HSPA8: variants seen among roughly 807,000 people sequenced by gnomAD.
The protein encoded by HSPA8 is heat shock protein family A (Hsp70) member 8, also known as heat shock cognate 71 kDa protein.
A neutral mutation model predicts 52.8 loss-of-function variants in HSPA8; 2 were observed. That is an observed-to-expected ratio of 0.04 (90% confidence interval 0.02 to 0.12). The LOEUF (loss-of-function observed/expected upper bound fraction) is 0.12, where lower values mean the gene tolerates loss of function less well. Among genes scored for constraint, HSPA8 ranks in the 10% least tolerant of loss-of-function variants. The probability of loss-of-function intolerance (pLI) is 1.00; values close to 1 mark genes in which losing one functional copy is unlikely to be tolerated. For synonymous variants in HSPA8, 436 were observed against 274.0 expected, an observed-to-expected ratio of 1.59 and a Z score of -5.84; for missense variants, 349 against 800.5, an observed-to-expected ratio of 0.44 and a Z score of 6.81.
rs528685013 is a variant in HSPA8 at position 123,058,613 on chromosome 11, G to A, written c.1522+19C>T. On this transcript the variant is annotated intron_variant, in intron 7 of 8. Transcript: ENST00000534624. ...AATACCATTATCCCTGTCAAGACCA[G>A]ATGACAGTGCCTCCTTACCCTTGTC... The A allele has an allele frequency of 3.1e-6, 5 of 1,601,272 alleles. No individual in the cohort carries two copies. In the South Asian group the frequency reaches 4.4e-5, roughly 14 times the overall value.
chr11:123,058,556 T>C (rs1865389275), intron 7 of HSPA8, 72 bp from the exon 8 acceptor site: 4 of 1,569,738 alleles, frequency 2.5e-6, no homozygotes, highest in Non-Finnish European at 1.8e-6. Flanking sequence ...TTCTCTTAGC[T>C]AGACGCCCTT....
At chr11:123,062,189 G>C (rs1456771683), upstream of HSPA8, 1 of 152,542 alleles carries the variant, frequency 6.6e-6, no homozygotes, top group Admixed American at 6.5e-5. Context: ...GAACCTTCCA[G>C]AAGGGGCCCG....
In HSPA8 at chr11:123,058,369, G is replaced by C; in HGVS notation, c.1638C>G (p.Ala546=). 6.2e-7 allele frequency: 1 copy of C among 1,612,852 alleles called. No individual in the cohort carries two copies. The highest frequency in any genetic ancestry group is 1.1e-5 in the South Asian group (1 of 91,046). Reference sequence around the variant, plus strand: ...CTTCAACAGTTGCTTTCATGTTGAAGGCATAGGACTCAAGTGAATTCTTGG... The same window carrying C: ...CTTCAACAGTTGCTTTCATGTTGAACGCATAGGACTCAAGTGAATTCTTGG... ...VSSKNSLESY[A]FNMKATVEDE... Residue 546 remains alanine, a synonymous_variant, in exon 8 of 9, where the codon GCC becomes GCG. Coordinates refer to ENST00000534624, the MANE Select transcript of HSPA8 (RefSeq NM_006597.6).
intron 6 of HSPA8, 95 bp from the exon 7 acceptor site, chr11:123,058,925 G>A (rs770171764): frequency 4.2e-5 from 59 of 1,394,940 alleles, no homozygotes; most frequent in Non-Finnish European, 5.7e-5. Context: ...AAACATCCAA[G>A]GAAGGAACTG....
In HSPA8 at chr11:123,059,235, C is replaced by G; in HGVS notation, c.1147G>C (p.Asp383His). ...AAATCTTGAACATTCTCAGACTTGT[C>G]TCCAGACAAGATGGCTGCCTGGACA... ...AAVQAAILSGDKSENVQDLLL... is the reference protein window; with the variant it reads ...AAVQAAILSGHKSENVQDLLL... The change falls in exon 6 of 9, where the codon GAC becomes CAC. Residue 383 changes from aspartate to histidine, a missense_variant. By Grantham distance (81) the Asp-to-His change is moderately conservative. Transcript: ENST00000534624. The G allele has an allele frequency of 6.2e-7, 1 of 1,612,870 alleles. No individual in the cohort carries two copies. Among genetic ancestry groups the G allele is most frequent in the East Asian group, 2.2e-5 (1 of 44,880 alleles).
At chr11:123,061,564 G>C (rs368572252) in intron 1 of HSPA8, 6 of 559,844 alleles carry the variant, frequency 1.1e-5, no homozygotes, top group African/African-American at 7.5e-5. Flanking sequence ...ACGGCGTGGG[G>C]CGTTGCTCAA....
At position 123,059,709 on chromosome 11, in the gene HSPA8, G is replaced by A. The variant is rs763133730; in HGVS notation, c.884C>T (p.Thr295Ile). 1.6e-5 allele frequency: 26 copies of A among 1,613,816 alleles called. No homozygotes were observed. The highest frequency in any genetic ancestry group is 6.7e-5 in the Admixed American group (4 of 59,974). The part of the protein sequence containing the change: ...DSLYEGIDFY[T>I]SITRARFEEL... ...TTCAAATCGGGCACGGGTAATGGAG[G>A]TATAGAAGTCGATTCCTTCATAGAG... is the stretch of plus-strand genomic sequence containing the variant. Residue 295 changes from threonine (T) to isoleucine (I), a missense_variant, in exon 5 of 9, where the codon ACC (threonine) becomes ATC (isoleucine). Physicochemically the swap from Thr to Ile is moderately conservative, Grantham distance 89. Coordinates refer to ENST00000534624, the MANE Select transcript of HSPA8 (RefSeq NM_006597.6).
In HSPA8 at chr11:123,057,712, G is replaced by A. The variant is rs1368544143; in HGVS notation, c.*22C>T. The A allele has an allele frequency of 4.4e-6, 7 of 1,578,534 alleles. No homozygotes were observed. Among genetic ancestry groups the A allele is most frequent in the South Asian group, 1.2e-5 (1 of 86,356 alleles). ...AAATGTTTTAAATGTGTGGAACAATGCTACATCTACACTTGGTTGGCTTAA... is the reference window on the plus strand; with the variant it reads ...AAATGTTTTAAATGTGTGGAACAATACTACATCTACACTTGGTTGGCTTAA... On this transcript the variant is annotated 3_prime_UTR_variant, in exon 9 of 9. Transcript: ENST00000534624.
chr11:123,058,871 G>A, intron 6 of HSPA8, 41 bp from the exon 7 acceptor site: 3 of 1,565,816 alleles, frequency 1.9e-6, no homozygotes, highest in South Asian at 1.1e-5. Flanking sequence ...TGGACTCCAG[G>A]TCTGTGACAG....
At chr11:123,060,395 T>G (rs1865457654) in intron 3 of HSPA8, 127 bp from the exon 4 acceptor site, 1 of 1,013,098 alleles carries the variant, frequency 9.9e-7, no homozygotes, top group East Asian at 2.5e-5. Context: ...TAAATTACTG[T>G]GTAATTGTCA....
intron 3 of HSPA8, 80 bp from the exon 4 acceptor site, chr11:123,060,348 G>T: frequency 7.4e-7 from 1 of 1,349,396 alleles, no homozygotes; most frequent in Non-Finnish European, 1.0e-6. Flanking sequence ...ATTAATGCTG[G>T]TGAAAGAACA....
chr11:123,062,300 C>T (rs1016914108), upstream of HSPA8: 1 of 152,634 alleles, frequency 6.6e-6, no homozygotes, highest in African/African-American at 2.4e-5. Flanking sequence ...GCCTCGCCCC[C>T]TTCCGCACCC....
rs977194545 is a variant in HSPA8 at position 123,061,580 on chromosome 11, G to T, written c.-5-251C>A. 3.4e-5 allele frequency: 18 copies of T among 536,632 alleles called. No homozygotes were observed. In the Admixed American group the frequency reaches 5.4e-4, roughly 16 times the overall value. 33.2% of individuals were successfully genotyped at this position (536,632 alleles called of 1,614,324 possible). A position where few individuals can be genotyped will look rare whatever the true frequency, so the allele number is the denominator to read the frequency against. On this transcript the variant is annotated intron_variant, in intron 1 of 8. Coordinates refer to ENST00000534624, the MANE Select transcript of HSPA8 (RefSeq NM_006597.6). ...CGGCGTGGGGCGTTGCTCAACACGT[G>T]GTCTTACCCCGAACTGAGCACTGTC...
At chr11:123,061,002 T>TA in intron 2 of HSPA8, 118 bp downstream of exon 2, 1 of 963,066 alleles carries the variant, frequency 1.0e-6, no homozygotes. Context: ...ACAGACTTGA[T>TA]AACAAGTCTC....
At position 123,059,637 on chromosome 11, in the gene HSPA8, T is replaced by G; in HGVS notation, c.956A>C (p.Lys319Thr). 1 of 1,614,168 alleles carries G rather than the reference T, an allele frequency of 6.2e-7. No homozygotes were observed. The highest frequency in any genetic ancestry group is 8.5e-7 in the Non-Finnish European group (1 of 1,180,022). ...LFRGTLDPVE[K>T]ALRDAKLDKS... Reference sequence around the variant, plus strand: ...GTCTAGTTTGGCATCTCGAAGGGCTTTCTCTACTGGGTCCAGGGTGCCACG... The same window carrying G: ...GTCTAGTTTGGCATCTCGAAGGGCTGTCTCTACTGGGTCCAGGGTGCCACG... Residue 319 changes from lysine to threonine, a missense_variant, in exon 5 of 9, where the codon AAA becomes ACA. By Grantham distance (78) the Lys-to-Thr change is moderately conservative. Coordinates refer to ENST00000534624, the MANE Select transcript of HSPA8 (RefSeq NM_006597.6).
intron 3 of HSPA8, 98 bp downstream of exon 3, chr11:123,060,495 C>G: frequency 9.9e-7 from 1 of 1,011,294 alleles, no homozygotes; most frequent in African/African-American, 1.6e-5. Context: ...GAGCTGAGCC[C>G]CATCTGTTCC....
Position 123,060,200 on chromosome 11 carries a change from A to G in HSPA8, c.480T>C (p.Asp160=). ...FNDSQRQATK[D]AGTIAGLNVL... ...CATTGAGACCAGCAATAGTTCCAGCATCTTTGGTAGCCTGACGCTGAGAGT... is the reference window on the plus strand; with the variant it reads ...CATTGAGACCAGCAATAGTTCCAGCGTCTTTGGTAGCCTGACGCTGAGAGT... The change falls in exon 4 of 9, where the codon GAT becomes GAC. Residue 160 remains aspartate (D), a synonymous_variant. Transcript: ENST00000534624. The G allele has an allele frequency of 6.2e-7, 1 of 1,614,058 alleles. No homozygotes were observed. The highest frequency in any genetic ancestry group is 8.5e-7 in the Non-Finnish European group (1 of 1,179,950).
At chr11:123,058,919 A>G in intron 6 of HSPA8, 89 bp from the exon 7 acceptor site, 2 of 1,411,606 alleles carry the variant, frequency 1.4e-6, no homozygotes, top group Non-Finnish European at 2.0e-6. Context: ...TCGCTCAAAC[A>G]TCCAAGGAAG....
At position 123,057,934 on chromosome 11, in the gene HSPA8, A is replaced by G. The variant is rs1865354832; in HGVS notation, c.1756-15T>C. The G allele has an allele frequency of 6.4e-7, 1 of 1,571,890 alleles. No individual in the cohort carries two copies. The highest frequency in any genetic ancestry group is 1.4e-5 in the African/African-American group (1 of 73,024). On this transcript the variant is annotated splice_polypyrimidine_tract_variant and intron_variant, in intron 8 of 8. Transcript: ENST00000534624. ...TTCTCAGCAGTCTGAGGAAGAGAAA[A>G]AGGAATTACTGCAAGTTCTTTTAAT...
Sources: gnomAD v4.1 joint callset for allele counts on GRCh38, gnomAD v4.1.1 for gene constraint, MANE v1.5 for transcripts, NCBI Gene and HGNC (gene_info 2026-07-23, HGNC 2026-07-21) for gene names.